The following MZT2B variants were observed in gnomAD, a reference collection of about 807,000 sequenced individuals.
MZT2B encodes mitotic-spindle organizing protein 2B.
MZT2B carries 11 observed loss-of-function variants against 12.1 expected under a neutral mutation model. That is an observed-to-expected ratio of 0.91 (90% confidence interval 0.57 to 1.50). MZT2B has a LOEUF of 1.50. MZT2B is among the 40% of genes most tolerant of loss of function. The pLI, the probability that MZT2B is intolerant of heterozygous loss-of-function variation, is 0.00. For synonymous variants in MZT2B, 85 were observed against 109.5 expected (o/e 0.78, Z 1.40); for missense variants, 209 against 227.7 (o/e 0.92, Z 0.53).
chr2:130,195,767 C>T, the MZT2B span, among the ~76,000 whole-genome samples: 1 of 152,222 alleles, frequency 6.6e-6, no homozygotes, highest in Non-Finnish European at 1.5e-5. Context: ...CTGTACTTAC[C>T]TTCTATGCCT....
At chr2:130,181,854 C>A (rs746715754), upstream of MZT2B, 3 of 1,485,756 alleles carry the variant, frequency 2.0e-6, no homozygotes, top group Middle Eastern at 2.4e-4. Flanking sequence ...TTGATTAGTG[C>A]CCCCCCCTTC....
At chr2:130,200,990 A>G in the MZT2B span, among the ~76,000 whole-genome samples, 4,017 of 152,246 alleles carry the variant, frequency 0.026, 64 homozygotes, top group African/African-American at 0.084. Context: ...ACCAGGATGC[A>G]GCATCCCACC....
chr2:130,198,056 C>A, the MZT2B span, among the ~76,000 whole-genome samples: 461 of 123,420 alleles, frequency 3.7e-3, 123 homozygotes, highest in Non-Finnish European at 7.0e-3. Context: ...ACGTGTGAAG[C>A]GGGAGCAGCG....
the MZT2B span, among the ~76,000 whole-genome samples, chr2:130,201,873 G>T: frequency 6.6e-6 from 1 of 152,264 alleles, no homozygotes; most frequent in African/African-American, 2.4e-5. Flanking sequence ...AAGGATTTAT[G>T]TATCTAAACA....
rs749902042 is a variant in MZT2B, at chr2:130,182,324, G to A, written c.42G>A (p.Ala14=). Residue 14 remains alanine (A), a synonymous_variant, in exon 1 of 3, where the codon GCG becomes GCA. Coordinates refer to ENST00000281871, the MANE Select transcript of MZT2B (RefSeq NM_025029.5). ...QGVGPGPGSA[A]PPGLEAARQK... ...TAGGGCCTGGGCCGGGGTCGGCGGC[G>A]CCCCCGGGGCTGGAGGCGGCCCGGC... The A allele has an allele frequency of 1.6e-5, 24 of 1,519,014 alleles. No individual in the cohort carries two copies. In the South Asian group the frequency reaches 2.3e-4, roughly 15 times the overall value. 94.1% of individuals were successfully genotyped at this position (1,519,014 alleles called of 1,614,324 possible).
chr2:130,198,475 C>A, the MZT2B span: 8 of 1,217,360 alleles, frequency 6.6e-6, 1 homozygote, highest in Non-Finnish European at 8.9e-6. Context: ...ATTGGCCTGC[C>A]GGTGCCAGGC....
intron 2 of MZT2B, chr2:130,183,860 G>A (rs1265283177): frequency 1.4e-5 from 21 of 1,550,484 alleles, no homozygotes; most frequent in Middle Eastern, 1.7e-4. Flanking sequence ...CGCAGCCTGC[G>A]GCCTCTCCGG....
upstream of MZT2B, chr2:130,181,823 G>A: frequency 6.5e-7 from 1 of 1,544,990 alleles, no homozygotes; most frequent in Non-Finnish European, 8.7e-7. Context: ...CAAGGAATCC[G>A]CGTGCGCGTA....
the MZT2B span, chr2:130,204,267 C>G: frequency 1.7e-6 from 1 of 596,402 alleles, no homozygotes; most frequent in South Asian, 1.6e-5. Context: ...TCTTGGAGCT[C>G]AATGAGCTCA....
downstream of MZT2B, chr2:130,190,767 T>C: frequency 7.1e-7 from 1 of 1,413,966 alleles, no homozygotes; most frequent in Non-Finnish European, 9.3e-7. Context: ...TTTTTTTTTA[T>C]ATTAAGGCAC....
chr2:130,185,501 A>G lies in MZT2B; in HGVS notation c.319+2726A>G, dbSNP rs1345067907. Among the ~76,000 whole-genome samples the G allele has an allele frequency of 1.8e-5, 2 of 110,984 alleles. 1 individual carries two copies. The highest frequency in any genetic ancestry group is 6.1e-5 in the African/African-American group (2 of 32,866). The allele number at this position is 110,984 out of a possible 152,430, so 72.8% of individuals were successfully genotyped here. A position where few individuals can be genotyped will look rare whatever the true frequency, so the allele number is the denominator to read the frequency against. ...TCTCAAAAAAAAAAAAAAAAGAAAAACCGCTAGCAATGGAGATGGGAGGAG... is the reference window on the plus strand; with the variant it reads ...TCTCAAAAAAAAAAAAAAAAGAAAAGCCGCTAGCAATGGAGATGGGAGGAG... On this transcript the variant is annotated intron_variant, in intron 2 of 2. Coordinates refer to ENST00000281871, the MANE Select transcript of MZT2B (RefSeq NM_025029.5).
chr2:130,197,671 A>G, the MZT2B span, among the ~76,000 whole-genome samples: 3 of 125,918 alleles, frequency 2.4e-5, no homozygotes, highest in African/African-American at 8.2e-5. Context: ...CACTGGCGCC[A>G]TCACGACTCA....
At chr2:130,196,580 T>C in the MZT2B span, among the ~76,000 whole-genome samples, 1 of 152,236 alleles carries the variant, frequency 6.6e-6, no homozygotes, top group African/African-American at 2.4e-5. Flanking sequence ...GTTCTAGAAG[T>C]AGCCCTAGAA....
At chr2:130,199,404 G>T in the MZT2B span, among the ~76,000 whole-genome samples, 1 of 119,532 alleles carries the variant, frequency 8.4e-6, no homozygotes, top group Non-Finnish European at 1.8e-5. Flanking sequence ...AATAAAATTA[G>T]CAAGGCATGG....
chr2:130,185,034 G>T (rs745735705), intron 2 of MZT2B: 13 of 356,676 alleles, frequency 3.6e-5, no homozygotes, highest in Non-Finnish European at 5.1e-5. Context: ...GCAGGGCTGG[G>T]CGCGGTGGCT....
Position 130,183,916 on chromosome 2 carries a change from G to A in MZT2B, c.319+1141G>A, listed in dbSNP as rs745566959. The A allele has an allele frequency of 5.8e-6, 9 of 1,550,482 alleles. No individual in the cohort carries two copies. The Admixed American group carries it at 5.9e-5, about 10-fold the overall frequency. On this transcript the variant is annotated intron_variant, in intron 2 of 2. Coordinates refer to ENST00000281871, the MANE Select transcript of MZT2B (RefSeq NM_025029.5). ...GCCACACACTCGCCTCTCTCTCCAG[G>A]CCCCCCGGGTTCCCTCCGCCTCTCT...
the MZT2B span, among the ~76,000 whole-genome samples, chr2:130,200,420 C>T: frequency 8.6e-6 from 1 of 116,952 alleles, no homozygotes; most frequent in Non-Finnish European, 1.7e-5. Context: ...TTTATTGTCT[C>T]TACATTGTCT....
At chr2:130,199,893 C>T in the MZT2B span, among the ~76,000 whole-genome samples, 5 of 151,628 alleles carry the variant, frequency 3.3e-5, no homozygotes, top group South Asian at 2.1e-4. Flanking sequence ...GTCAGGAGTT[C>T]GAGACCAGCC....
chr2:130,191,154 G>C (rs1170975670), downstream of MZT2B, among the ~76,000 whole-genome samples: 1 of 152,126 alleles, frequency 6.6e-6, no homozygotes, highest in East Asian at 1.9e-4. Flanking sequence ...GTTTCACTGT[G>C]TTAGCTAGGT....
Sources: allele counts gnomAD v4.1 joint callset (sites outside exome capture counted in the v4.1 genomes callset), GRCh38; gene constraint gnomAD v4.1.1; transcripts MANE v1.5; gene names NCBI Gene and HGNC (gene_info 2026-07-23, HGNC 2026-07-21).